Variants in LNP1 observed in about 807,000 individuals in gnomAD.
The protein encoded by LNP1 is leukemia NUP98 fusion partner 1.
In LNP1, 12 loss-of-function variants were observed where a neutral mutation model predicts 14.5. The observed-to-expected ratio is 0.83, with a 90% CI of 0.53 to 1.34. LNP1 has a LOEUF of 1.34. LNP1 is among the 40% of genes most tolerant of loss of function. The pLI, the probability that LNP1 is intolerant of heterozygous loss-of-function variation, is 0.00. For missense variants in LNP1, 198 were observed against 210.9 expected, an observed-to-expected ratio of 0.94 and a Z score of 0.38; for synonymous variants, 75 against 71.4, an observed-to-expected ratio of 1.05 and a Z score of -0.26.
chr3:100,408,935 G>A (rs1344947190), intron 1 of LNP1, among the ~76,000 whole-genome samples: 4 of 152,054 alleles, frequency 2.6e-5, no homozygotes, highest in Non-Finnish European at 4.4e-5. Flanking sequence ...CTTAGCTCTC[G>A]TGAAGGTATT....
At chr3:100,420,073 A>G (rs548414668) in intron 1 of LNP1, among the ~76,000 whole-genome samples, 5 of 152,328 alleles carry the variant, frequency 3.3e-5, no homozygotes, top group Non-Finnish European at 7.3e-5. Context: ...ACATTCTGAT[A>G]GGTATGTAGT....
intron 2 of LNP1, among the ~76,000 whole-genome samples, chr3:100,448,615 A>C (rs531877371): frequency 6.6e-6 from 1 of 152,334 alleles, no homozygotes; most frequent in South Asian, 2.1e-4. Context: ...ATATTATTTT[A>C]CCAATAATTT....
At chr3:100,424,269 C>G (rs1209067485) in intron 1 of LNP1, among the ~76,000 whole-genome samples, 1 of 152,120 alleles carries the variant, frequency 6.6e-6, no homozygotes, top group Non-Finnish European at 1.5e-5. Flanking sequence ...CAGGACCAAC[C>G]TGAGGTTCAC....
intron 1 of LNP1, among the ~76,000 whole-genome samples, chr3:100,408,518 C>A (rs1264807808): frequency 6.6e-6 from 1 of 152,188 alleles, no homozygotes; most frequent in Non-Finnish European, 1.5e-5. Context: ...ACTGAGGGGG[C>A]CTGCCTGTTG....
intron 2 of LNP1, among the ~76,000 whole-genome samples, chr3:100,440,095 T>G (rs1474340857): frequency 6.6e-6 from 1 of 152,208 alleles, no homozygotes. Context: ...CTCACTGTGA[T>G]TTTCCATGGT....
intron 1 of LNP1, among the ~76,000 whole-genome samples, chr3:100,423,829 AGCTC>A (rs1190189810): frequency 6.6e-6 from 1 of 152,180 alleles, no homozygotes; most frequent in Non-Finnish European, 1.5e-5. Flanking sequence ...TAAAAAGCGC[AGCTC>A]CCTTTGGTAC....
Position 100,439,277 on chromosome 3 carries a change from T to TA in LNP1, c.156+9403dup, listed in dbSNP as rs559849558. 1.0e-2 allele frequency among the ~76,000 whole-genome samples: 1,408 copies of TA among 140,880 alleles called. 20 individuals carry two copies. Among genetic ancestry groups the TA allele is most frequent in the African/African-American group, 0.029 (1,130 of 38,594 alleles). The allele number at this position is 140,880 out of a possible 152,430, so 92.4% of individuals were successfully genotyped here. A position where few individuals can be genotyped will look rare whatever the true frequency, so the allele number is the denominator to read the frequency against. ...CCCCAGATATAACTACGAAAAATAC[T>TA]AAAAAAAAAAAGGAAAAGGAAGAAA... is the stretch of plus-strand genomic sequence containing the variant. On this transcript the variant is annotated intron_variant, in intron 2 of 3. Coordinates refer to ENST00000383693, the MANE Select transcript of LNP1 (RefSeq NM_001085451.2).
intron 3 of LNP1, among the ~76,000 whole-genome samples, chr3:100,452,484 G>A (rs1357842100): frequency 6.6e-6 from 1 of 151,920 alleles, no homozygotes; most frequent in Non-Finnish European, 1.5e-5. Context: ...TAGGATTCCA[G>A]GTGTGAGCCA....
At position 100,422,486 on chromosome 3, in the gene LNP1, G is replaced by A. The variant is rs149912046; in HGVS notation, c.-33-7211G>A. 2.2e-3 allele frequency among the ~76,000 whole-genome samples: 337 copies of A among 152,224 alleles called. 2 individuals carry two copies. Among genetic ancestry groups the A allele is most frequent in the African/African-American group, 7.4e-3 (307 of 41,538 alleles). On this transcript the variant is annotated intron_variant, in intron 1 of 3. Transcript: ENST00000383693. ...TAGTAAATTTTAACAGTAGTAGCTC[G>A]TCTGTTTTAGAATAATTGGTGCCTA...
intron 1 of LNP1, among the ~76,000 whole-genome samples, chr3:100,415,233 A>G (rs1707070551): frequency 6.6e-6 from 1 of 152,192 alleles, no homozygotes; most frequent in Non-Finnish European, 1.5e-5. Flanking sequence ...GGTATTTGTG[A>G]TGTTTAAAAC....
At chr3:100,424,509 A>G (rs544589021) in intron 1 of LNP1, among the ~76,000 whole-genome samples, 14 of 152,300 alleles carry the variant, frequency 9.2e-5, no homozygotes, top group African/African-American at 3.1e-4. Context: ...AGTGTTTATT[A>G]TGGAGGCTCA....
At chr3:100,447,357 C>G (rs1347340312) in intron 2 of LNP1, among the ~76,000 whole-genome samples, 1 of 152,008 alleles carries the variant, frequency 6.6e-6, no homozygotes, top group African/African-American at 2.4e-5. Context: ...GGACAGAAAA[C>G]CAAACACCGC....
intron 1 of LNP1, among the ~76,000 whole-genome samples, chr3:100,404,791 C>T (rs543559056): frequency 0.012 from 1,579 of 131,256 alleles, 35 homozygotes; most frequent in African/African-American, 0.044. Flanking sequence ...TTGTGTTATC[C>T]TTTTTTTTTT....
In LNP1 at chr3:100,418,260, GT is replaced by G. The variant is rs532896928; in HGVS notation, c.-33-11435del. Among the ~76,000 whole-genome samples the G allele has an allele frequency of 3.3e-3, 498 of 148,946 alleles. 2 individuals are homozygous for G. The highest frequency in any genetic ancestry group is 4.8e-3 in the Non-Finnish European group (326 of 67,308). On this transcript the variant is annotated intron_variant, in intron 1 of 3. Coordinates refer to ENST00000383693, the MANE Select transcript of LNP1 (RefSeq NM_001085451.2). ...TTTTTTTGTATTTTTAGCCAACGAT[GT>G]TGGCCAGGCTGGTTTCGAACTCCTG...
chr3:100,413,525 C>T (rs1424471231), intron 1 of LNP1, among the ~76,000 whole-genome samples: 1 of 152,200 alleles, frequency 6.6e-6, no homozygotes, highest in Non-Finnish European at 1.5e-5. Flanking sequence ...CCTTTCTTCC[C>T]ACTCACATGG....
intron 2 of LNP1, among the ~76,000 whole-genome samples, chr3:100,431,643 A>G (rs569032830): frequency 2.2e-4 from 33 of 152,192 alleles, no homozygotes; most frequent in African/African-American, 7.7e-4. Context: ...ATAATGCTGT[A>G]TATGTATAAG....
At chr3:100,421,995 C>A (rs1184681073) in intron 1 of LNP1, among the ~76,000 whole-genome samples, 1 of 152,068 alleles carries the variant, frequency 6.6e-6, no homozygotes, top group Non-Finnish European at 1.5e-5. Flanking sequence ...CATTTTGTCC[C>A]TCTCAAATAT....
intron 1 of LNP1, among the ~76,000 whole-genome samples, chr3:100,417,428 G>C (rs1160696845): frequency 8.8e-6 from 1 of 113,150 alleles, no homozygotes; most frequent in Non-Finnish European, 1.6e-5. Context: ...CCAGACTGTA[G>C]TGCACTGGTG....
intron 1 of LNP1, among the ~76,000 whole-genome samples, chr3:100,405,453 A>G (rs1489388269): frequency 1.3e-5 from 2 of 152,228 alleles, no homozygotes; most frequent in Non-Finnish European, 1.5e-5. Flanking sequence ...CTAATAAACT[A>G]TAGAAATTTA....
Sources: gnomAD v4.1 joint callset for allele counts (sites outside exome capture counted in the v4.1 genomes callset) on GRCh38, gnomAD v4.1.1 for gene constraint, MANE v1.5 for transcripts, NCBI Gene and HGNC (gene_info 2026-07-23, HGNC 2026-07-21) for gene names.